GRK1: variants seen among roughly 807,000 people sequenced by gnomAD.
GRK1 encodes the protein G protein-coupled receptor kinase 1, also known as rhodopsin kinase GRK1.
In GRK1, 28 loss-of-function variants were observed where a neutral mutation model predicts 41.7. That is an observed-to-expected ratio of 0.67 (90% CI 0.50 to 0.92). GRK1 has a LOEUF of 0.92. Among genes scored for constraint, GRK1 ranks in the 40% least tolerant of loss-of-function variants. GRK1 has a pLI of 0.00. For synonymous variants in GRK1, 327 were observed against 286.7 expected, an observed-to-expected ratio of 1.14 and a Z score of -1.42; for missense variants, 703 against 671.2, an observed-to-expected ratio of 1.05 and a Z score of -0.52.
upstream of GRK1, chr13:113,667,076 G>A (rs1026045427): frequency 3.2e-5 from 8 of 251,824 alleles, no homozygotes; most frequent in East Asian, 3.6e-4. The surrounding 1 kb of genome is among the most constrained non-coding windows in gnomAD (Gnocchi z 7.5). Context: ...GGAAGGGGCC[G>A]GGCAGAATGA....
chr13:113,733,481 A>G (rs1277883925), intron 6 of GRK1, among the ~76,000 whole-genome samples: 3 of 144,664 alleles, frequency 2.1e-5, no homozygotes, highest in African/African-American at 5.1e-5. Context: ...GGAAGATACT[A>G]TGTGCGCGCG....
chr13:113,731,062 G>A lies in GRK1; in HGVS notation c.1070-157G>A, dbSNP rs934973752. 1 of 640,942 alleles carries A rather than the reference G, an allele frequency of 1.6e-6. No individual in the cohort carries two copies. Among genetic ancestry groups the A allele is most frequent in the Non-Finnish European group, 1.9e-6 (1 of 515,624 alleles). The allele number at this position is 640,942 out of a possible 1,614,324, so 39.7% of individuals were successfully genotyped here. The stretch of plus-strand genomic sequence containing the variant: ...GCTGCTTGGCACCCAGTAACACACA[G>A]GGCAGCCCCTCCACAAAGGATTTTC... On this transcript the variant is annotated intron_variant, in intron 4 of 6. Transcript: ENST00000335678. The surrounding 1 kb of genome is among the most constrained non-coding windows in gnomAD (Gnocchi z 5.6).
At chr13:113,657,581 T>C in the GRK1 span, among the ~76,000 whole-genome samples, 1 of 152,152 alleles carries the variant, frequency 6.6e-6, no homozygotes, top group Non-Finnish European at 1.5e-5. Flanking sequence ...ACTCCCCACC[T>C]CCGCATCTGG....
intron 2 of GRK1, 102 bp downstream of exon 2, chr13:113,669,916 AG>A: frequency 7.0e-7 from 1 of 1,430,036 alleles, no homozygotes; most frequent in South Asian, 1.2e-5. Context: ...TGGTGGCCCC[AG>A]GCCTGCCCTC....
At chr13:113,656,879 C>T in the GRK1 span, among the ~76,000 whole-genome samples, 5 of 152,076 alleles carry the variant, frequency 3.3e-5, no homozygotes, top group South Asian at 4.1e-4. Context: ...AGGACCTGGC[C>T]GGCAGCCCCC....
intron 1 of GRK1, among the ~76,000 whole-genome samples, chr13:113,668,616 A>T (rs1325756758): frequency 1.3e-5 from 2 of 152,222 alleles, no homozygotes; most frequent in Non-Finnish European, 2.9e-5. Context: ...GGAGTGAGCG[A>T]CGGGCACGCA....
intron 4 of GRK1, among the ~76,000 whole-genome samples, chr13:113,729,215 C>T (rs1324723618): frequency 6.6e-6 from 1 of 152,210 alleles, no homozygotes; most frequent in East Asian, 1.9e-4. Flanking sequence ...AGTGTGAAAG[C>T]ACTGAGCCTA....
chr13:113,648,603 C>T, the GRK1 span, among the ~76,000 whole-genome samples: 4 of 151,038 alleles, frequency 2.6e-5, no homozygotes, highest in African/African-American at 9.7e-5. Context: ...GCTAACTTAA[C>T]ATTTATATTT....
chr13:113,734,231 C>T (rs548141108), intron 6 of GRK1, among the ~76,000 whole-genome samples: 1 of 152,330 alleles, frequency 6.6e-6, no homozygotes, highest in South Asian at 2.1e-4. Context: ...CGAGAAGTCG[C>T]TTTCGTATGT....
chr13:113,732,895 G>C lies in GRK1; in HGVS notation c.1206G>C (p.Lys402Asn). 6.5e-7 allele frequency: 1 copy of C among 1,536,636 alleles called. No homozygotes were observed. Among genetic ancestry groups the C allele is most frequent in the Non-Finnish European group, 8.7e-7 (1 of 1,146,890 alleles). ...GCGTGTCCCCACAGGTGGAGAACAA[G>C]GAGCTGAAGCACCGGATCATCTCAG... ...FRARGEKVEN[K>N]ELKHRIISEP... Residue 402 changes from lysine (K) to asparagine (N), a missense_variant, in exon 6 of 7, where the codon AAG becomes AAC. Transcript: ENST00000335678.
chr13:113,659,678 C>T, the GRK1 span, among the ~76,000 whole-genome samples: 1 of 152,130 alleles, frequency 6.6e-6, no homozygotes, highest in African/African-American at 2.4e-5. Flanking sequence ...AGGGATCCTC[C>T]CACCTCGGCC....
At chr13:113,653,241 C>CGCTTCACACCTCACCCACCCGCT in the GRK1 span, 10 of 1,349,946 alleles carry the variant, frequency 7.4e-6, no homozygotes, top group African/African-American at 1.4e-4. Context: ...ACCCACCCGC[C>CGCTTCACACCTCACCCACCCGCT]GCTTCACACC....
At chr13:113,657,997 C>T in the GRK1 span, 3 of 1,539,064 alleles carry the variant, frequency 1.9e-6, no homozygotes, top group African/African-American at 2.7e-5. Context: ...GAGCGGCCCC[C>T]TCCATGCACC....
rs1184596269 is a variant in GRK1, at chr13:113,671,910, C to T, written c.985+254C>T. On this transcript the variant is annotated intron_variant, in intron 3 of 6. Coordinates refer to ENST00000335678, the MANE Select transcript of GRK1 (RefSeq NM_002929.3). This position sits in a 1 kb window ranked among gnomAD's most constrained non-coding sequence, Gnocchi z 4.1. ...CGCCCAGTCCCCACCTTCCTTCTGC[C>T]TGAATGAGGCGTCACACAGGGATTC... 6.6e-6 allele frequency among the ~76,000 whole-genome samples: 1 copy of T among 152,216 alleles called. No homozygotes were observed. The highest frequency in any genetic ancestry group is 1.5e-5 in the Non-Finnish European group (1 of 67,992).
upstream of GRK1, among the ~76,000 whole-genome samples, chr13:113,665,982 A>ATCCCAGGTGTG (rs2049815715): frequency 9.5e-6 from 1 of 104,896 alleles, no homozygotes; most frequent in Admixed American, 9.9e-5. Flanking sequence ...CCCCAGGTGC[A>ATCCCAGGTGTG]TCCCAGGTGT....
rs1430878703 is a variant in GRK1 at position 113,735,927 on chromosome 13, C to T, written c.*564C>T. 6.6e-6 allele frequency: 1 copy of T among 152,392 alleles called. No individual in the cohort carries two copies. Among genetic ancestry groups the T allele is most frequent in the Non-Finnish European group, 1.5e-5 (1 of 68,216 alleles). 9.4% of individuals were successfully genotyped at this position (152,392 alleles called of 1,614,324 possible). On this transcript the variant is annotated 3_prime_UTR_variant, in exon 7 of 7. Transcript: ENST00000335678. ...CCCTGTGCTGGTGGCCTGCACGCCACATGGTCCCCTGCACCCTGCGGCGCC... is the reference window on the plus strand; with the variant it reads ...CCCTGTGCTGGTGGCCTGCACGCCATATGGTCCCCTGCACCCTGCGGCGCC...
intron 1 of GRK1, among the ~76,000 whole-genome samples, chr13:113,669,072 T>G (rs372896861): frequency 1.5e-3 from 229 of 152,380 alleles, no homozygotes; most frequent in African/African-American, 5.1e-3. Flanking sequence ...ACTGTAAATT[T>G]AACCCAACAT....
chr13:113,653,752 A>G, the GRK1 span, among the ~76,000 whole-genome samples: 32 of 152,230 alleles, frequency 2.1e-4, no homozygotes, highest in Non-Finnish European at 3.2e-4. Flanking sequence ...CTGGGTTTCT[A>G]TGTAAAATTG....
At chr13:113,726,533 A>AGCAGGTAGAGCT (rs1174446261) in intron 4 of GRK1, 1 of 161,650 alleles carries the variant, frequency 6.2e-6, no homozygotes, top group Non-Finnish European at 1.4e-5. Flanking sequence ...TTGTGAACAG[A>AGCAGGTAGAGCT]GCAGGTAGAG....
Sources: allele counts gnomAD v4.1 joint callset (sites outside exome capture counted in the v4.1 genomes callset), GRCh38; gene constraint gnomAD v4.1.1; non-coding constraint Gnocchi (gnomAD v3.1); transcripts MANE v1.5; gene names NCBI Gene and HGNC (gene_info 2026-07-23, HGNC 2026-07-21).